DENND4C: variants seen among roughly 807,000 people sequenced by gnomAD.
DENND4C encodes the protein DENN domain containing 4C.
In DENND4C, 108 loss-of-function variants were observed where a neutral mutation model predicts 203.0. The ratio of observed to expected loss-of-function variants is 0.53; its 90% CI spans 0.46 to 0.62. DENND4C has a LOEUF of 0.62. Ranked by LOEUF, DENND4C falls within the 20% of genes least tolerant of loss-of-function variation. The pLI, the probability that DENND4C is intolerant of heterozygous loss-of-function variation, is 0.00. For missense variants in DENND4C, 2,481 were observed against 2,301.2 expected (o/e 1.08, Z -1.60); for synonymous variants, 871 against 792.4 (o/e 1.10, Z -1.67).
rs775677258 is a variant in DENND4C at position 19,342,787 on chromosome 9, T to C, written c.3151+8T>C. 3.8e-6 allele frequency: 6 copies of C among 1,574,004 alleles called. No individual in the cohort carries two copies. In the Middle Eastern group the frequency reaches 8.5e-4, roughly 223 times the overall value. On this transcript the variant is annotated splice_region_variant and intron_variant, in intron 22 of 32. Transcript: ENST00000434457. ...GCAGGAAAAGTAGCACTGGTGAGTC[T>C]TTACATTTTGGTTATTAAATATTTA...
chr9:19,333,532 G>T (rs1320827923), intron 17 of DENND4C, among the ~76,000 whole-genome samples: 1 of 152,116 alleles, frequency 6.6e-6, no homozygotes, highest in South Asian at 2.1e-4. Context: ...CCCGGAGAGC[G>T]AAATTGCTCC....
intron 1 of DENND4C, among the ~76,000 whole-genome samples, chr9:19,235,609 C>CTTT (rs58031665): frequency 0.45 from 53,937 of 118,608 alleles, 13,416 homozygotes; most frequent in South Asian, 0.56. Context: ...GAAGAGTCAT[C>CTTT]TTTTTTTTTT....
At chr9:19,343,880 A>C (rs1159803683) in intron 22 of DENND4C, among the ~76,000 whole-genome samples, 1 of 152,222 alleles carries the variant, frequency 6.6e-6, no homozygotes, top group African/African-American at 2.4e-5. Context: ...TTTTTTTAAA[A>C]AACATTGAAT....
chr9:19,277,044 C>A (rs949365430), intron 2 of DENND4C, among the ~76,000 whole-genome samples: 1 of 151,900 alleles, frequency 6.6e-6, no homozygotes, highest in Non-Finnish European at 1.5e-5. Flanking sequence ...TCCACCCTTT[C>A]CCCAAATGGC....
chr9:19,293,372 C>G (rs1487192583), intron 5 of DENND4C, among the ~76,000 whole-genome samples: 1 of 151,964 alleles, frequency 6.6e-6, no homozygotes, highest in Non-Finnish European at 1.5e-5. Context: ...TGTATAAAGG[C>G]AAGGGTTATA....
At chr9:19,364,954 G>T (rs1827329794) in intron 30 of DENND4C, among the ~76,000 whole-genome samples, 3 of 152,114 alleles carry the variant, frequency 2.0e-5, no homozygotes, top group Non-Finnish European at 2.9e-5. Flanking sequence ...CAGGTCATAA[G>T]AATAGAGAGC....
At chr9:19,298,150 G>C (rs766637354) in intron 7 of DENND4C, 28 bp downstream of exon 7, 1 of 1,593,022 alleles carries the variant, frequency 6.3e-7, no homozygotes, top group Non-Finnish European at 8.6e-7. Context: ...TATTTGGGGA[G>C]AACTTTGCAT....
chr9:19,313,814 T>C (rs1274661792), intron 10 of DENND4C, among the ~76,000 whole-genome samples: 2 of 152,204 alleles, frequency 1.3e-5, no homozygotes, highest in Non-Finnish European at 2.9e-5. Context: ...GTCAAACTCA[T>C]AACCCATTAG....
chr9:19,323,059 C>T (rs1019037892), intron 12 of DENND4C, among the ~76,000 whole-genome samples: 2 of 152,060 alleles, frequency 1.3e-5, no homozygotes, highest in Non-Finnish European at 2.9e-5. Context: ...AATTCTAGCA[C>T]TTTGGGAGGC....
chr9:19,285,153 T>C (rs1215436968), intron 2 of DENND4C, among the ~76,000 whole-genome samples: 1 of 152,162 alleles, frequency 6.6e-6, no homozygotes, highest in Non-Finnish European at 1.5e-5. Context: ...ATTCTTCCCT[T>C]AGTATATTGA....
rs1021831495 is a variant in DENND4C, at chr9:19,328,036, A to G, written c.2127A>G (p.Lys709=). Reference sequence around the variant, plus strand: ...ATTTTTTTTTTTATTTTAGTTACAAATACTTTCCAAGACTGGACCTTAAGC... The same window carrying G: ...ATTTTTTTTTTTATTTTAGTTACAAGTACTTTCCAAGACTGGACCTTAAGC... ...GKDLSPKYSY[K]YFPRLDLKLF... is the part of the protein sequence containing the mutation. The change falls in exon 16 of 33, where the codon AAA becomes AAG. Residue 709 remains lysine (K), a synonymous_variant. Transcript: ENST00000434457. The G allele has an allele frequency of 3.0e-5, 47 of 1,591,096 alleles. No individual in the cohort carries two copies. The highest frequency in any genetic ancestry group is 3.7e-5 in the Non-Finnish European group (44 of 1,173,956).
Position 19,346,418 on chromosome 9 carries a change from T to A in DENND4C, c.3649T>A (p.Ser1217Thr). The A allele has an allele frequency of 6.2e-7, 1 of 1,614,104 alleles. No individual in the cohort carries two copies. Among genetic ancestry groups the A allele is most frequent in the Non-Finnish European group, 8.5e-7 (1 of 1,180,004 alleles). ...SLLSDSNSNQSRDLKTVSKDL... is the reference protein window; with the variant it reads ...SLLSDSNSNQTRDLKTVSKDL... ...ACTAAGTGATAGTAACAGTAATCAG[T>A]CCAGAGACTTGAAAACAGTATCCAA... The change falls in exon 23 of 33, where the codon TCC (serine) becomes ACC (threonine). Residue 1217 changes from serine to threonine, a missense_variant. Coordinates refer to ENST00000434457, the MANE Select transcript of DENND4C (RefSeq NM_001330640.2).
chr9:19,327,060 A>G lies in DENND4C; in HGVS notation c.2120+866A>G, dbSNP rs528544982. On this transcript the variant is annotated intron_variant, in intron 15 of 32. Coordinates refer to ENST00000434457, the MANE Select transcript of DENND4C (RefSeq NM_001330640.2). The stretch of plus-strand genomic sequence containing the variant: ...AGAATTAATGTATAATATCAAGAGG[A>G]CTGGATCAGAATGAGGAATGTATCT... Among the ~76,000 whole-genome samples, 17 of 152,248 alleles carry G rather than the reference A, an allele frequency of 1.1e-4. No individual in the cohort carries two copies. In the East Asian group the frequency reaches 2.5e-3, roughly 22 times the overall value.
At chr9:19,343,352 C>T (rs1348623092) in intron 22 of DENND4C, among the ~76,000 whole-genome samples, 3 of 152,076 alleles carry the variant, frequency 2.0e-5, no homozygotes, top group Non-Finnish European at 4.4e-5. Context: ...TATAGGTCTC[C>T]CAAGACTCTT....
intron 1 of DENND4C, among the ~76,000 whole-genome samples, chr9:19,257,251 G>C (rs1828214446): frequency 6.6e-6 from 1 of 151,682 alleles, no homozygotes; most frequent in African/African-American, 2.4e-5. Context: ...AGCTACTCAG[G>C]AGGCTGAGGT....
chr9:19,296,473 T>C (rs1837490500), intron 6 of DENND4C, among the ~76,000 whole-genome samples: 3 of 151,738 alleles, frequency 2.0e-5, no homozygotes, highest in Admixed American at 2.0e-4. Flanking sequence ...CATGCAGTTC[T>C]CTGTGTCAGC....
intron 1 of DENND4C, among the ~76,000 whole-genome samples, chr9:19,264,056 A>C (rs1021062181): frequency 6.6e-6 from 1 of 152,104 alleles, no homozygotes; most frequent in Non-Finnish European, 1.5e-5. Flanking sequence ...ACTGTTTTTC[A>C]GAATAATTTG....
At chr9:19,292,830 G>A (rs528142407) in intron 5 of DENND4C, among the ~76,000 whole-genome samples, 21 of 152,300 alleles carry the variant, frequency 1.4e-4, no homozygotes, top group African/African-American at 4.6e-4. Context: ...ACAGGTGTCA[G>A]CCAATGCGCC....
At chr9:19,234,602 C>T (rs1564070345) in intron 1 of DENND4C, among the ~76,000 whole-genome samples, 1 of 146,866 alleles carries the variant, frequency 6.8e-6, no homozygotes, top group Non-Finnish European at 1.5e-5. Context: ...CATCTCAGCT[C>T]ACTGCAGCCT....
Sources: gnomAD v4.1 joint callset for allele counts (sites outside exome capture counted in the v4.1 genomes callset) on GRCh38, gnomAD v4.1.1 for gene constraint, MANE v1.5 for transcripts, NCBI Gene and HGNC (gene_info 2026-07-23, HGNC 2026-07-21) for gene names.